Variants in RPA3 observed in about 807,000 individuals in gnomAD.
The protein encoded by RPA3 is replication protein A3, also known as replication protein A 14 kDa subunit.
A neutral mutation model predicts 13.7 loss-of-function variants in RPA3; 24 were observed. That is an observed-to-expected ratio of 1.75 (90% confidence interval 1.27 to 2.46). The LOEUF (loss-of-function observed/expected upper bound fraction) is 2.46, where lower values mean the gene tolerates loss of function less well. RPA3 is among the 30% of genes most tolerant of loss of function. RPA3 has a pLI of 0.00. For missense variants in RPA3, 183 were observed against 151.0 expected, an observed-to-expected ratio of 1.21 and a Z score of -1.11; for synonymous variants, 59 against 51.2, an observed-to-expected ratio of 1.15 and a Z score of -0.65.
At chr7:7,641,843 G>T (rs1411361553) in intron 4 of RPA3, 2 of 152,174 alleles carry the variant, frequency 1.3e-5, no homozygotes, top group African/African-American at 2.4e-5. Context: ...GAGACTTCAC[G>T]TGGCAATTTA....
At chr7:7,665,859 A>G (rs1563100360) in intron 4 of RPA3, among the ~76,000 whole-genome samples, 2 of 149,862 alleles carry the variant, frequency 1.3e-5, no homozygotes, top group African/African-American at 4.9e-5. Context: ...ATGTTGTAGC[A>G]TGTATCACTA....
chr7:7,676,200 C>G (rs1779734646), intron 4 of RPA3: 1 of 398,514 alleles, frequency 2.5e-6, no homozygotes, highest in South Asian at 1.3e-4. Context: ...TACTCTCTAC[C>G]CTTGGCAGGT....
intron 4 of RPA3, among the ~76,000 whole-genome samples, chr7:7,680,768 A>T (rs1372091687): frequency 6.6e-6 from 1 of 151,870 alleles, no homozygotes; most frequent in African/African-American, 2.4e-5. Context: ...CACTTTGGTT[A>T]TATTTATTCC....
chr7:7,699,663 A>G (rs1360550287), intron 2 of RPA3, among the ~76,000 whole-genome samples: 1 of 152,224 alleles, frequency 6.6e-6, no homozygotes, highest in East Asian at 1.9e-4. Flanking sequence ...GGCTTTTCAC[A>G]TTTATCCCTA....
chr7:7,680,869 A>T (rs998906998), intron 4 of RPA3, among the ~76,000 whole-genome samples: 1 of 151,616 alleles, frequency 6.6e-6, no homozygotes, highest in African/African-American at 2.4e-5. Context: ...TAAAAATGCT[A>T]TTGATTTTTG....
At chr7:7,701,148 G>A (rs1272348849) in intron 2 of RPA3, among the ~76,000 whole-genome samples, 1 of 152,124 alleles carries the variant, frequency 6.6e-6, no homozygotes, top group Non-Finnish European at 1.5e-5. Context: ...TAATAAACAT[G>A]TTCTGTATTC....
rs1459916530 is a variant in RPA3 at position 7,685,921 on chromosome 7, A to T, written c.-849T>A. ...TGATTGTAGTAATCAGTAAGTGAACATTCTTGAGCACTTTCTCTATCCCAG... is the reference window on the plus strand; with the variant it reads ...TGATTGTAGTAATCAGTAAGTGAACTTTCTTGAGCACTTTCTCTATCCCAG... On this transcript the variant is annotated 5_prime_UTR_variant, in exon 4 of 8. The change abolishes an upstream ATG in the 5' untranslated region. Coordinates refer to ENST00000223129, the MANE Select transcript of RPA3 (RefSeq NM_002947.5). 1 of 152,196 alleles carries T rather than the reference A, an allele frequency of 6.6e-6. No homozygotes were observed. Among genetic ancestry groups the T allele is most frequent in the Non-Finnish European group, 1.5e-5 (1 of 68,038 alleles). 9.4% of individuals were successfully genotyped at this position (152,196 alleles called of 1,614,324 possible).
chr7:7,661,680 C>A (rs1366672587), intron 4 of RPA3, among the ~76,000 whole-genome samples: 1 of 152,196 alleles, frequency 6.6e-6, no homozygotes, highest in Non-Finnish European at 1.5e-5. Flanking sequence ...CCTCTGGAAG[C>A]TTTGTCCCAG....
At chr7:7,639,250 C>T (rs948234748) in intron 5 of RPA3, 106 bp from the exon 6 acceptor site, 45 of 712,872 alleles carry the variant, frequency 6.3e-5, no homozygotes, top group African/African-American at 4.5e-4. Context: ...GTTTCTTGAA[C>T]AGTTTATTCA....
intron 4 of RPA3, among the ~76,000 whole-genome samples, chr7:7,657,696 G>A (rs1213628783): frequency 2.0e-5 from 3 of 152,124 alleles, no homozygotes; most frequent in African/African-American, 7.2e-5. Context: ...CCCATACCAT[G>A]CTGTTTTGGT....
intron 1 of RPA3, among the ~76,000 whole-genome samples, chr7:7,717,528 A>G (rs966749760): frequency 2.6e-5 from 4 of 152,152 alleles, no homozygotes; most frequent in Non-Finnish European, 5.9e-5. Flanking sequence ...TTTGAAGTAA[A>G]ATGTTTAAGG....
chr7:7,657,965 G>A (rs961725652), intron 4 of RPA3, among the ~76,000 whole-genome samples: 16 of 152,274 alleles, frequency 1.1e-4, no homozygotes, highest in African/African-American at 3.8e-4. Flanking sequence ...TTTTCCATTT[G>A]TTTGTGTCCT....
At chr7:7,646,251 C>G (rs1027990191) in intron 4 of RPA3, among the ~76,000 whole-genome samples, 7 of 152,042 alleles carry the variant, frequency 4.6e-5, no homozygotes, top group Non-Finnish European at 8.8e-5. Flanking sequence ...TGAATGTGGG[C>G]ATTTTATTGA....
At chr7:7,696,065 G>T (rs1190373915) in intron 2 of RPA3, among the ~76,000 whole-genome samples, 1 of 150,018 alleles carries the variant, frequency 6.7e-6, no homozygotes, top group Non-Finnish European at 1.5e-5. Flanking sequence ...GATTACAGTG[G>T]TGTGATCACA....
At chr7:7,683,479 C>T (rs982184060) in intron 4 of RPA3, among the ~76,000 whole-genome samples, 1 of 152,088 alleles carries the variant, frequency 6.6e-6, no homozygotes, top group East Asian at 1.9e-4. Context: ...GTTACAGTTT[C>T]TTTTTTAGTT....
chr7:7,715,013 A>C (rs1780861885), intron 2 of RPA3, among the ~76,000 whole-genome samples, 162 bp downstream of exon 2: 1 of 152,130 alleles, frequency 6.6e-6, no homozygotes, highest in African/African-American at 2.4e-5. Context: ...ATGAAACTAG[A>C]ACTAACCAAC....
At chr7:7,656,609 T>A (rs992085749) in intron 4 of RPA3, among the ~76,000 whole-genome samples, 1 of 152,174 alleles carries the variant, frequency 6.6e-6, no homozygotes, top group African/African-American at 2.4e-5. Flanking sequence ...GAATGATGGT[T>A]TCCAGCTTCA....
At chr7:7,708,699 A>G (rs1022797282) in intron 2 of RPA3, among the ~76,000 whole-genome samples, 2 of 152,222 alleles carry the variant, frequency 1.3e-5, no homozygotes, top group African/African-American at 2.4e-5. Context: ...ATTATATTTT[A>G]TAATTAGTAA....
At chr7:7,655,875 C>G (rs143875410) in intron 4 of RPA3, among the ~76,000 whole-genome samples, 1 of 152,102 alleles carries the variant, frequency 6.6e-6, no homozygotes, top group Admixed American at 6.5e-5. Flanking sequence ...CGCTCTTGTT[C>G]CCCAGGCTGG....
Sources: allele counts gnomAD v4.1 joint callset (sites outside exome capture counted in the v4.1 genomes callset), GRCh38; gene constraint gnomAD v4.1.1; transcripts MANE v1.5; gene names NCBI Gene and HGNC (gene_info 2026-07-23, HGNC 2026-07-21).